The following HS6ST3 variants were observed in gnomAD, a reference collection of about 807,000 sequenced individuals.
HS6ST3 encodes the protein heparan-sulfate 6-O-sulfotransferase 3.
HS6ST3 carries 12 observed loss-of-function variants against 36.7 expected under a neutral mutation model. The ratio of observed to expected loss-of-function variants is 0.33; its 90% CI spans 0.21 to 0.53. The LOEUF (loss-of-function observed/expected upper bound fraction) is 0.53, where lower values mean the gene tolerates loss of function less well. Among genes scored for constraint, HS6ST3 ranks in the 20% least tolerant of loss-of-function variants. The pLI is 0.95. For synonymous variants in HS6ST3, 240 were observed against 257.5 expected, an observed-to-expected ratio of 0.93 and a Z score of 0.65; for missense variants, 584 against 640.9, an observed-to-expected ratio of 0.91 and a Z score of 0.96.
At chr13:96,699,802 A>G (rs1276121190) in intron 1 of HS6ST3, among the ~76,000 whole-genome samples, 1 of 152,250 alleles carries the variant, frequency 6.6e-6, no homozygotes, top group Non-Finnish European at 1.5e-5. Flanking sequence ...ACATATGTTT[A>G]TTGCGGCACT....
At chr13:96,460,311 CTG>C (rs2055777776) in intron 1 of HS6ST3, among the ~76,000 whole-genome samples, 1 of 152,146 alleles carries the variant, frequency 6.6e-6, no homozygotes, top group South Asian at 2.1e-4. Context: ...CAAGTGTACT[CTG>C]TGAAATTAAT....
chr13:96,558,754 G>A (rs1448543428), intron 1 of HS6ST3, among the ~76,000 whole-genome samples: 2 of 152,112 alleles, frequency 1.3e-5, no homozygotes, highest in Non-Finnish European at 1.5e-5. Context: ...ACATCAATGT[G>A]AGCTTTTTAA....
intron 1 of HS6ST3, among the ~76,000 whole-genome samples, chr13:96,155,646 A>G (rs1431900119): frequency 1.3e-5 from 2 of 152,210 alleles, no homozygotes; most frequent in Non-Finnish European, 2.9e-5. Flanking sequence ...AAACCTGATG[A>G]TAGAAAACAT....
At chr13:96,754,922 C>A (rs1876786923) in intron 1 of HS6ST3, among the ~76,000 whole-genome samples, 1 of 151,984 alleles carries the variant, frequency 6.6e-6, no homozygotes, top group African/African-American at 2.4e-5. Context: ...AACAGGCAAT[C>A]TCCATGTCTA....
chr13:96,790,337 T>C (rs866067229), intron 1 of HS6ST3, among the ~76,000 whole-genome samples: 3 of 150,980 alleles, frequency 2.0e-5, no homozygotes, highest in Non-Finnish European at 4.4e-5. Context: ...ACAGCACTTA[T>C]AGTCATTGTT....
intron 1 of HS6ST3, among the ~76,000 whole-genome samples, chr13:96,487,907 G>T (rs1255122116): frequency 6.6e-6 from 1 of 152,036 alleles, no homozygotes; most frequent in African/African-American, 2.4e-5. Flanking sequence ...GACTGGTTAT[G>T]TACATCTATC....
intron 1 of HS6ST3, among the ~76,000 whole-genome samples, chr13:96,824,747 G>A (rs967598032): frequency 6.6e-6 from 1 of 152,216 alleles, no homozygotes; most frequent in Non-Finnish European, 1.5e-5. Context: ...TGTTTAAGAT[G>A]TGGTGGTCGC....
At chr13:96,760,810 G>GT (rs1276978534) in intron 1 of HS6ST3, among the ~76,000 whole-genome samples, 5 of 151,978 alleles carry the variant, frequency 3.3e-5, no homozygotes, top group Non-Finnish European at 4.4e-5. Context: ...TTATCAAGAG[G>GT]TTTTTTCTGC....
At chr13:96,206,920 G>T (rs1005430364) in intron 1 of HS6ST3, among the ~76,000 whole-genome samples, 1 of 151,946 alleles carries the variant, frequency 6.6e-6, no homozygotes. Flanking sequence ...ATGATGAAAA[G>T]GCCAAAAGCA....
intron 1 of HS6ST3, among the ~76,000 whole-genome samples, chr13:96,252,505 CT>C (rs1301178427): frequency 6.6e-6 from 1 of 152,168 alleles, no homozygotes; most frequent in Non-Finnish European, 1.5e-5. Flanking sequence ...AGGTCTTGTG[CT>C]GAGAACCTCC....
intron 1 of HS6ST3, among the ~76,000 whole-genome samples, chr13:96,524,145 G>T (rs71434520): frequency 6.6e-6 from 1 of 152,152 alleles, no homozygotes; most frequent in East Asian, 1.9e-4. Context: ...GTTTGCCAGA[G>T]GTTCACTCCA....
Position 96,346,591 on chromosome 13 carries a change from A to G in HS6ST3, c.707+255022A>G, listed in dbSNP as rs966891474. ...CCGTCTCAAAAAAAAAATAATAATAATAATAATAAAACAAAGCCAGAAAAA... is the reference window on the plus strand; with the variant it reads ...CCGTCTCAAAAAAAAAATAATAATAGTAATAATAAAACAAAGCCAGAAAAA... On this transcript the variant is annotated intron_variant, in intron 1 of 1. Coordinates refer to ENST00000376705, the MANE Select transcript of HS6ST3 (RefSeq NM_153456.4). Among the ~76,000 whole-genome samples, 6 of 151,934 alleles carry G rather than the reference A, an allele frequency of 3.9e-5. No homozygotes were observed. The East Asian group carries it at 1.2e-3, about 29-fold the overall frequency.
Position 96,471,578 on chromosome 13 carries a change from T to C in HS6ST3, c.708-360912T>C, listed in dbSNP as rs183884274. Among the ~76,000 whole-genome samples the C allele has an allele frequency of 3.7e-4, 56 of 152,324 alleles. 1 individual carries two copies. The East Asian group carries it at 0.01, about 27-fold the overall frequency. On this transcript the variant is annotated intron_variant, in intron 1 of 1. Transcript: ENST00000376705. ...GTCTTCCAGGATTCTCTCATTTTCATAAGCCATCTAAACTCTCTAAAGACT... is the reference window on the plus strand; with the variant it reads ...GTCTTCCAGGATTCTCTCATTTTCACAAGCCATCTAAACTCTCTAAAGACT...
At chr13:96,414,365 A>G (rs1471128741) in intron 1 of HS6ST3, among the ~76,000 whole-genome samples, 1 of 152,158 alleles carries the variant, frequency 6.6e-6, no homozygotes, top group Non-Finnish European at 1.5e-5. Flanking sequence ...CATTAGTCTG[A>G]CCTTTTAATT....
intron 1 of HS6ST3, among the ~76,000 whole-genome samples, chr13:96,774,004 C>T (rs1877332664): frequency 6.6e-6 from 1 of 152,214 alleles, no homozygotes; most frequent in African/African-American, 2.4e-5. Context: ...CTTTGCTGTT[C>T]TGCAGCTTCC....
In HS6ST3 at chr13:96,714,932, C is replaced by T. The variant is rs1017231129; in HGVS notation, c.708-117558C>T. Among the ~76,000 whole-genome samples the T allele has an allele frequency of 2.6e-5, 4 of 151,916 alleles. No homozygotes were observed. The South Asian group carries it at 8.3e-4, about 31-fold the overall frequency. On this transcript the variant is annotated intron_variant, in intron 1 of 1. Coordinates refer to ENST00000376705, the MANE Select transcript of HS6ST3 (RefSeq NM_153456.4). ...ATTTTGCCCAGGCTGGTCTTAAACT[C>T]CTGGTCTCAAGCAATCTTCCCATTG...
At chr13:96,272,262 G>C (rs2054723912) in intron 1 of HS6ST3, among the ~76,000 whole-genome samples, 2 of 151,948 alleles carry the variant, frequency 1.3e-5, no homozygotes, top group Admixed American at 1.3e-4. Flanking sequence ...TGGTAGTGAG[G>C]TCTCTAGACT....
intron 1 of HS6ST3, among the ~76,000 whole-genome samples, chr13:96,630,072 T>G (rs995823113): frequency 6.6e-6 from 1 of 152,232 alleles, no homozygotes; most frequent in Non-Finnish European, 1.5e-5. Context: ...TTTTAATACA[T>G]TCACATGCTA....
chr13:96,471,415 C>G lies in HS6ST3; in HGVS notation c.708-361075C>G, dbSNP rs7991599. The stretch of plus-strand genomic sequence containing the variant: ...GGGGAGCAGAGACAAGTGGTAGAAA[C>G]GTGGCTTCTGGGGTTGCACCTTGAG... On this transcript the variant is annotated intron_variant, in intron 1 of 1. Coordinates refer to ENST00000376705, the MANE Select transcript of HS6ST3 (RefSeq NM_153456.4). Among the ~76,000 whole-genome samples, 793 of 152,216 alleles carry G rather than the reference C, an allele frequency of 5.2e-3. 9 individuals carry two copies. The highest frequency in any genetic ancestry group is 0.018 in the African/African-American group (757 of 41,522).
Sources: gnomAD v4.1 joint callset for allele counts (sites outside exome capture counted in the v4.1 genomes callset) on GRCh38, gnomAD v4.1.1 for gene constraint, MANE v1.5 for transcripts, NCBI Gene and HGNC (gene_info 2026-07-23, HGNC 2026-07-21) for gene names.